SNTG1: variants seen among roughly 807,000 people sequenced by gnomAD.
SNTG1 encodes the protein gamma-1-syntrophin.
In SNTG1, 39 loss-of-function variants were observed where a neutral mutation model predicts 74.7. That is an observed-to-expected ratio of 0.52 (90% CI 0.40 to 0.68). SNTG1 has a LOEUF of 0.68. SNTG1 is among the 30% of genes least tolerant of loss of function. The pLI, the probability that SNTG1 is intolerant of heterozygous loss-of-function variation, is 0.00. For missense variants in SNTG1, 685 were observed against 609.5 expected (o/e 1.12, Z -1.30); for synonymous variants, 254 against 217.1 (o/e 1.17, Z -1.49).
At chr8:50,689,719 T>C (rs1322439926) in intron 15 of SNTG1, among the ~76,000 whole-genome samples, 1 of 152,176 alleles carries the variant, frequency 6.6e-6, no homozygotes, top group Non-Finnish European at 1.5e-5. Flanking sequence ...CTTTTTTCGT[T>C]GTGTCTCTGC....
chr8:50,742,425 G>C (rs1266040073), intron 17 of SNTG1, among the ~76,000 whole-genome samples: 1 of 151,800 alleles, frequency 6.6e-6, no homozygotes, highest in Non-Finnish European at 1.5e-5. Context: ...CTGTCAACTG[G>C]ATAAAGAAGA....
chr8:50,687,566 A>C (rs2095358064), intron 15 of SNTG1, among the ~76,000 whole-genome samples: 1 of 152,008 alleles, frequency 6.6e-6, no homozygotes, highest in African/African-American at 2.4e-5. Context: ...TGATAAAGGG[A>C]TACGTTCTTT....
At chr8:50,486,711 G>A (rs1335274781) in intron 8 of SNTG1, among the ~76,000 whole-genome samples, 1 of 150,668 alleles carries the variant, frequency 6.6e-6, no homozygotes, top group Admixed American at 6.6e-5. Flanking sequence ...GTGAGAGAGG[G>A]CATCCCTATC....
chr8:50,199,087 G>A (rs889378232), intron 2 of SNTG1, among the ~76,000 whole-genome samples: 4 of 152,084 alleles, frequency 2.6e-5, no homozygotes, highest in South Asian at 2.1e-4. Flanking sequence ...GGATGAAGAC[G>A]GTGGAAGATA....
intron 15 of SNTG1, among the ~76,000 whole-genome samples, chr8:50,672,478 GTCT>G (rs1228047298): frequency 1.3e-5 from 2 of 151,810 alleles, no homozygotes; most frequent in African/African-American, 4.8e-5. Context: ...CCACATAAAA[GTCT>G]TCTCTTGAGA....
chr8:50,408,892 C>T (rs777426099), intron 4 of SNTG1, among the ~76,000 whole-genome samples: 4 of 152,044 alleles, frequency 2.6e-5, no homozygotes, highest in Admixed American at 6.6e-5. Context: ...GCAAAGGGAC[C>T]CCTGGGAAAA....
At chr8:50,756,736 G>A (rs144743820) in intron 18 of SNTG1, among the ~76,000 whole-genome samples, 11 of 151,716 alleles carry the variant, frequency 7.3e-5, no homozygotes, top group Middle Eastern at 3.4e-3. Flanking sequence ...TTTCAATAGT[G>A]TGATGGCTAT....
intron 1 of SNTG1, among the ~76,000 whole-genome samples, chr8:50,128,649 T>C (rs1399441838): frequency 6.6e-6 from 1 of 152,104 alleles, no homozygotes; most frequent in Non-Finnish European, 1.5e-5. Flanking sequence ...TTGGTTATTG[T>C]TTCTCCCACT....
rs186614974 is a variant in SNTG1 at position 50,725,151 on chromosome 8, A to T, written c.1284+16173A>T. Among the ~76,000 whole-genome samples, 120 of 152,272 alleles carry T rather than the reference A, an allele frequency of 7.9e-4. 1 individual carries two copies. The highest frequency in any genetic ancestry group is 1.4e-3 in the Non-Finnish European group (94 of 68,012). On this transcript the variant is annotated intron_variant, in intron 17 of 18. Transcript: ENST00000642720. ...AATGATTTGTAAATATACCTTCTCC[A>T]TCTAAATATATTAGATCAACTTATT...
At chr8:50,391,026 T>C (rs1228132089) in intron 2 of SNTG1, among the ~76,000 whole-genome samples, 1 of 152,176 alleles carries the variant, frequency 6.6e-6, no homozygotes, top group Non-Finnish European at 1.5e-5. Context: ...ACAGGGACAA[T>C]TTGACTTCCT....
intron 1 of SNTG1, among the ~76,000 whole-genome samples, chr8:50,056,933 A>G (rs1820075210): frequency 6.6e-6 from 1 of 152,174 alleles, no homozygotes; most frequent in South Asian, 2.1e-4. Flanking sequence ...GTTTAGGTTT[A>G]TAGAGTGTAA....
chr8:50,245,028 G>C (rs2086331872), intron 2 of SNTG1, among the ~76,000 whole-genome samples: 1 of 152,022 alleles, frequency 6.6e-6, no homozygotes, highest in Admixed American at 6.6e-5. Flanking sequence ...TGCAACAAAA[G>C]TTTTATTATG....
At position 50,747,946 on chromosome 8, in the gene SNTG1, C is replaced by G. The variant is rs140514727; in HGVS notation, c.1285-4055C>G. On this transcript the variant is annotated intron_variant, in intron 17 of 18. Coordinates refer to ENST00000642720, the MANE Select transcript of SNTG1 (RefSeq NM_018967.5). Reference sequence around the variant, plus strand: ...ACAGGGTTTCATCATGTTGCCCAAGCTGTGTAAGACACAATTTTTTTTTAA... The same window carrying G: ...ACAGGGTTTCATCATGTTGCCCAAGGTGTGTAAGACACAATTTTTTTTTAA... 1.4e-3 allele frequency: 208 copies of G among 151,378 alleles called. 2 individuals carry two copies. The highest frequency in any genetic ancestry group is 3.9e-3 in the African/African-American group (160 of 41,090). The allele number at this position is 151,378 out of a possible 1,614,324, so 9.4% of individuals were successfully genotyped here.
At chr8:50,767,938 A>C (rs1247392332) in intron 18 of SNTG1, among the ~76,000 whole-genome samples, 1 of 152,022 alleles carries the variant, frequency 6.6e-6, no homozygotes, top group African/African-American at 2.4e-5. Context: ...ATGTTAAAAT[A>C]TTTCCTAAAC....
At chr8:50,570,031 A>C (rs182085056) in intron 12 of SNTG1, among the ~76,000 whole-genome samples, 16 of 152,114 alleles carry the variant, frequency 1.1e-4, no homozygotes, top group Non-Finnish European at 1.9e-4. Context: ...ATGTCAGGAA[A>C]GTAAAATATT....
At chr8:50,250,574 C>T (rs1254749844) in intron 2 of SNTG1, among the ~76,000 whole-genome samples, 1 of 152,022 alleles carries the variant, frequency 6.6e-6, no homozygotes, top group Non-Finnish European at 1.5e-5. Context: ...AGATAAATGT[C>T]AAGTTACATA....
chr8:50,703,308 T>G (rs893445172), intron 15 of SNTG1, among the ~76,000 whole-genome samples: 21 of 151,822 alleles, frequency 1.4e-4, no homozygotes, highest in Non-Finnish European at 2.5e-4. Flanking sequence ...TACAAATTAC[T>G]TTTTTATTTT....
At chr8:50,062,660 C>T (rs1297681886) in intron 1 of SNTG1, among the ~76,000 whole-genome samples, 1 of 152,098 alleles carries the variant, frequency 6.6e-6, no homozygotes, top group South Asian at 2.1e-4. Context: ...AAGTTTCTTA[C>T]AGTCAGCAAA....
At chr8:50,262,778 A>C (rs1301109749) in intron 2 of SNTG1, among the ~76,000 whole-genome samples, 2 of 152,162 alleles carry the variant, frequency 1.3e-5, no homozygotes, top group East Asian at 3.9e-4. Flanking sequence ...AGAAACTATC[A>C]AGCTGTGAAA....
Sources: gnomAD v4.1 joint callset for allele counts (sites outside exome capture counted in the v4.1 genomes callset) on GRCh38, gnomAD v4.1.1 for gene constraint, MANE v1.5 for transcripts, NCBI Gene and HGNC (gene_info 2026-07-23, HGNC 2026-07-21) for gene names.